RABL6: variants seen among roughly 807,000 people sequenced by gnomAD.
The protein encoded by RABL6 is rab-like protein 6.
A neutral mutation model predicts 72.9 loss-of-function variants in RABL6; 28 were observed. The observed-to-expected ratio is 0.38, with a 90% confidence interval of 0.28 to 0.53. The LOEUF is 0.53. Among genes scored for constraint, RABL6 ranks in the 20% least tolerant of loss-of-function variants. The pLI, the probability that RABL6 is intolerant of heterozygous loss-of-function variation, is 0.80. For missense variants in RABL6, 1,029 were observed against 1,008.4 expected (o/e 1.02, Z -0.28); for synonymous variants, 477 against 421.2 (o/e 1.13, Z -1.62).
At chr9:136,825,884 A>G in intron 3 of RABL6, 58 bp downstream of exon 3, 1 of 1,560,192 alleles carries the variant, frequency 6.4e-7, no homozygotes, top group South Asian at 1.1e-5. Flanking sequence ...CTGCGCAGAG[A>G]GGCTTCCTTT....
chr9:136,822,168 G>A (rs747868518), intron 1 of RABL6: 38 of 1,119,976 alleles, frequency 3.4e-5, no homozygotes, highest in Non-Finnish European at 4.4e-5. Flanking sequence ...TGCGTTGGGA[G>A]CTTGGGGTCC....
rs941058991 is a variant in RABL6 at position 136,839,091 on chromosome 9, C to A, written c.1463C>A (p.Pro488His). ...AAPTKGPAPA[P>H]QQCSEPETKW... is the part of the protein sequence containing the mutation. ...CCCACAAAAGGCCCTGCCCCAGCTC[C>A]CCAGCAGTGCTCAGAGCCAGAGACC... Residue 488 changes from proline to histidine, a missense_variant, in exon 11 of 15, where the codon CCC becomes CAC. By Grantham distance (77) the Pro-to-His change is moderately conservative (BLOSUM62 -2). This residue lies in a region of RABL6 where 595 missense variants were observed against 472.4 expected (regional missense o/e 1.26). Transcript: ENST00000311502. The A allele has an allele frequency of 6.2e-7, 1 of 1,612,388 alleles. No homozygotes were observed. The highest frequency in any genetic ancestry group is 8.5e-7 in the Non-Finnish European group (1 of 1,179,810).
At chr9:136,828,359 C>G (rs908393043) in intron 3 of RABL6, 135 bp from the exon 4 acceptor site, 25 of 827,144 alleles carry the variant, frequency 3.0e-5, no homozygotes, top group Middle Eastern at 7.0e-4. Context: ...GGTGCCCACG[C>G]TGCAGGCTGT....
intron 1 of RABL6, among the ~76,000 whole-genome samples, chr9:136,812,627 C>T (rs1848035831): frequency 6.6e-6 from 1 of 152,146 alleles, no homozygotes; most frequent in Non-Finnish European, 1.5e-5. Context: ...AGGTATTACC[C>T]TTGAAATGTT....
At chr9:136,839,534 C>G in intron 12 of RABL6, 48 bp downstream of exon 12, 1 of 1,578,438 alleles carries the variant, frequency 6.3e-7, no homozygotes. Flanking sequence ...GGCCAGGGTC[C>G]CTCCCACAGG....
At chr9:136,838,812 G>A in intron 10 of RABL6, 97 bp from the exon 11 acceptor site, 1 of 1,133,590 alleles carries the variant, frequency 8.8e-7, no homozygotes, top group Non-Finnish European at 1.2e-6. Context: ...CACGGCCAGG[G>A]TGTGCTGGGT....
At chr9:136,822,907 T>G (rs970899272) in intron 1 of RABL6, among the ~76,000 whole-genome samples, 3 of 151,906 alleles carry the variant, frequency 2.0e-5, no homozygotes, top group Non-Finnish European at 4.4e-5. Flanking sequence ...GCTAACACGG[T>G]GAAACCCCGT....
intron 13 of RABL6, 70 bp from the exon 14 acceptor site, chr9:136,840,084 G>C (rs1028806919): frequency 6.9e-6 from 11 of 1,600,504 alleles, no homozygotes; most frequent in South Asian, 2.2e-5. Context: ...AGTTTCTAGA[G>C]AAGTCCTGTC....
At chr9:136,833,674 G>A in intron 7 of RABL6, 1 of 1,548,358 alleles carries the variant, frequency 6.5e-7, no homozygotes, top group South Asian at 1.2e-5. Flanking sequence ...GGGTCTGGGG[G>A]ACCTGGGGCC....
chr9:136,839,345 T>G lies in RABL6; in HGVS notation c.1617T>G (p.Pro539=). The change falls in exon 12 of 15, where the codon CCT becomes CCG. Residue 539 remains proline, a synonymous_variant. Coordinates refer to ENST00000311502, the MANE Select transcript of RABL6 (RefSeq NM_024718.5). ...GPEKRSSTRP[P]AEMEPGKGEQ... is the part of the protein sequence containing the mutation. The stretch of plus-strand genomic sequence containing the variant: ...AGAAGCGCAGCAGCACCAGGCCCCC[T>G]GCTGAGATGGAGCCGGGGAAGGGTG... 6.2e-7 allele frequency: 1 copy of G among 1,612,688 alleles called. No homozygotes were observed. Among genetic ancestry groups the G allele is most frequent in the Non-Finnish European group, 8.5e-7 (1 of 1,179,794 alleles).
chr9:136,813,206 G>T, intron 1 of RABL6: 1 of 513,432 alleles, frequency 1.9e-6, no homozygotes, highest in Non-Finnish European at 3.7e-6. Flanking sequence ...CAGCCTGATT[G>T]CCCTGCCCCC....
chr9:136,816,676 C>CA (rs1276920639), intron 1 of RABL6, among the ~76,000 whole-genome samples: 1 of 147,402 alleles, frequency 6.8e-6, no homozygotes, highest in Non-Finnish European at 1.5e-5. Context: ...GAGATCGCGC[C>CA]ACTGCACTCC....
intron 2 of RABL6, among the ~76,000 whole-genome samples, chr9:136,823,869 G>A (rs1848294873): frequency 6.6e-6 from 1 of 152,236 alleles, no homozygotes; most frequent in Admixed American, 6.5e-5. Context: ...AAGCCCCACT[G>A]ACCTGGGAGG....
rs370194882 is a variant in RABL6 at position 136,840,191 on chromosome 9, G to C, written c.1968G>C (p.Lys656Asn). ...EGKTPSKEKK[K>N]KKKKGKEEEE... ...AAACCCCCTCTAAGGAGAAGAAGAA[G>C]AAGAAGAAAAAAGGCAAAGAGGTAC... Residue 656 changes from lysine (K) to asparagine (N), a missense_variant, in exon 14 of 15, where the codon AAG becomes AAC. Physicochemically the swap from Lys to Asn is moderately conservative, Grantham distance 94. Transcript: ENST00000311502. 6.2e-6 allele frequency: 10 copies of C among 1,612,830 alleles called. No individual in the cohort carries two copies. Among genetic ancestry groups the C allele is most frequent in the Non-Finnish European group, 8.5e-6 (10 of 1,179,824 alleles).
At chr9:136,828,823 C>T (rs938849535) in intron 4 of RABL6, among the ~76,000 whole-genome samples, 12 of 152,190 alleles carry the variant, frequency 7.9e-5, no homozygotes, top group African/African-American at 2.7e-4. Context: ...AAACTTTTAT[C>T]CCAGTCTCGG....
chr9:136,833,659 C>CGCCTGGGTCTGGGG (rs1848528303), intron 7 of RABL6: 1 of 1,536,460 alleles, frequency 6.5e-7, no homozygotes. Context: ...TGGGCTGCCC[C>CGCCTGGGTCTGGGG]GACTGGGTCT....
rs1007758281 is a variant in RABL6, at chr9:136,821,788, A to C, written c.131-1737A>C. The C allele has an allele frequency of 3.4e-6, 4 of 1,171,364 alleles. No individual in the cohort carries two copies. The South Asian group carries it at 4.7e-5, about 14-fold the overall frequency. The allele number at this position is 1,171,364 out of a possible 1,614,324, so 72.6% of individuals were successfully genotyped here. A position where few individuals can be genotyped will look rare whatever the true frequency, so the allele number is the denominator to read the frequency against. ...CGCTGCAGGCGGCCTCTGTTCTCCAAGTTCTCCGCGGGAGAGGGAGGGGAA... is the reference window on the plus strand; with the variant it reads ...CGCTGCAGGCGGCCTCTGTTCTCCACGTTCTCCGCGGGAGAGGGAGGGGAA... On this transcript the variant is annotated intron_variant, in intron 1 of 14. Coordinates refer to ENST00000311502, the MANE Select transcript of RABL6 (RefSeq NM_024718.5).
At chr9:136,838,448 C>T (rs1321452274) in intron 10 of RABL6, among the ~76,000 whole-genome samples, 3 of 152,228 alleles carry the variant, frequency 2.0e-5, no homozygotes, top group African/African-American at 7.2e-5. Flanking sequence ...CAGCCCCTCC[C>T]ACCACTCTGT....
chr9:136,809,150 C>T (rs964871395), intron 1 of RABL6: 7 of 152,496 alleles, frequency 4.6e-5, no homozygotes, highest in Admixed American at 2.0e-4. Flanking sequence ...GACGCTACGC[C>T]TATCCAGTTT....
Sources: gnomAD v4.1 joint callset for allele counts (sites outside exome capture counted in the v4.1 genomes callset) on GRCh38, gnomAD v4.1.1 for gene constraint, gnomAD v4.1.1 regional missense constraint, MANE v1.5 for transcripts, NCBI Gene and HGNC (gene_info 2026-07-23, HGNC 2026-07-21) for gene names.